Variants in STARD9 observed in about 807,000 individuals in gnomAD.
STARD9 encodes stAR-related lipid transfer protein 9.
A neutral mutation model predicts 399.8 loss-of-function variants in STARD9; 346 were observed. The observed-to-expected ratio is 0.87, with a 90% CI of 0.79 to 0.95. The LOEUF (loss-of-function observed/expected upper bound fraction) is 0.95, where lower values mean the gene tolerates loss of function less well. Among genes scored for constraint, STARD9 ranks in the 40% least tolerant of loss-of-function variants. The probability of loss-of-function intolerance (pLI) is 0.00; values close to 1 mark genes in which losing one functional copy is unlikely to be tolerated. For synonymous variants in STARD9, 2,203 were observed against 2,143.5 expected (o/e 1.03, Z -0.77); for missense variants, 5,832 against 5,667.5 (o/e 1.03, Z -0.93).
chr15:42,590,105 T>TA (rs2058365406), intron 3 of STARD9, among the ~76,000 whole-genome samples: 1 of 151,804 alleles, frequency 6.6e-6, no homozygotes, highest in Non-Finnish European at 1.5e-5. Flanking sequence ...GGACTACAGA[T>TA]ACGTGTGCCA....
intron 26 of STARD9, among the ~76,000 whole-genome samples, chr15:42,702,016 A>AAG (rs2060975487): frequency 6.7e-6 from 1 of 149,632 alleles, no homozygotes; most frequent in Non-Finnish European, 1.5e-5. Flanking sequence ...AAAAAAAAAA[A>AAG]GCTGAATGCA....
At chr15:42,580,375 C>T (rs1186070650) in intron 1 of STARD9, among the ~76,000 whole-genome samples, 2 of 152,224 alleles carry the variant, frequency 1.3e-5, no homozygotes, top group Admixed American at 6.5e-5. Context: ...TACAAAGGAA[C>T]ATGAATGGTG....
chr15:42,719,029 C>T, intron 32 of STARD9, 119 bp downstream of exon 32: 1 of 907,974 alleles, frequency 1.1e-6, no homozygotes, highest in South Asian at 1.7e-5. Context: ...GGCCTGAGAC[C>T]TGGAGACTTG....
intron 9 of STARD9, among the ~76,000 whole-genome samples, chr15:42,654,442 A>C (rs2059823182): frequency 1.3e-5 from 2 of 152,188 alleles, no homozygotes; most frequent in African/African-American, 4.8e-5. Flanking sequence ...GTAATGAGAC[A>C]AGAGAAAGAA....
intron 26 of STARD9, among the ~76,000 whole-genome samples, chr15:42,709,013 G>A (rs988074982): frequency 2.6e-5 from 4 of 152,226 alleles, no homozygotes; most frequent in East Asian, 3.9e-4. Context: ...ACCGGATACC[G>A]ACATGTCCTG....
Position 42,644,010 on chromosome 15 carries a change from A to G in STARD9, c.559+5198A>G, listed in dbSNP as rs150271497. On this transcript the variant is annotated intron_variant, in intron 7 of 32. Transcript: ENST00000290607. The stretch of plus-strand genomic sequence containing the variant: ...GAGTTCAGAGAACATGCTCCACATA[A>G]TTTCACCTAAAACAACATGTATACA... Among the ~76,000 whole-genome samples, 574 of 152,282 alleles carry G rather than the reference A, an allele frequency of 3.8e-3. 2 individuals carry two copies. Among genetic ancestry groups the G allele is most frequent in the African/African-American group, 0.013 (550 of 41,544 alleles).
Position 42,687,243 on chromosome 15 carries a change from G to GTCAC in STARD9, c.5667_5670dup (p.Ala1891HisfsTer14). 2 of 1,537,084 alleles carry GTCAC rather than the reference G, an allele frequency of 1.3e-6. No homozygotes were observed. The highest frequency in any genetic ancestry group is 1.7e-6 in the Non-Finnish European group (2 of 1,146,948). On this transcript the variant is annotated frameshift_variant, in exon 23 of 33. Coordinates refer to ENST00000290607, the MANE Select transcript of STARD9 (RefSeq NM_020759.3). LOFTEE classifies it high-confidence loss of function. Reference sequence around the variant, plus strand: ...TTTTCCAGCACTTGAGGGAGGAGAGGTCACTGCTCAGTCCTGTTGCGGTGC... The same window carrying GTCAC: ...TTTTCCAGCACTTGAGGGAGGAGAGGTCACTCACTGCTCAGTCCTGTTGCGGTGC...
chr15:42,665,705 C>A lies in STARD9; in HGVS notation c.1255-81C>A, dbSNP rs1404943228. 3.8e-5 allele frequency: 42 copies of A among 1,113,924 alleles called. No homozygotes were observed. The Middle Eastern group carries it at 5.9e-4, about 16-fold the overall frequency. 69.0% of individuals were successfully genotyped at this position (1,113,924 alleles called of 1,614,324 possible). On this transcript the variant is annotated intron_variant, in intron 14 of 32. Coordinates refer to ENST00000290607, the MANE Select transcript of STARD9 (RefSeq NM_020759.3). ...AGTTTTTCCTTTATCTGCATCTTAT[C>A]CTCCTCCACAAGTGTAAGGGTGGGA...
chr15:42,586,041 C>T (rs948758857), intron 3 of STARD9, among the ~76,000 whole-genome samples: 1 of 152,204 alleles, frequency 6.6e-6, no homozygotes. Context: ...AGAGGTATCA[C>T]TTCCAGAAAG....
At chr15:42,604,705 G>A (rs777083196) in intron 3 of STARD9, among the ~76,000 whole-genome samples, 1 of 130,344 alleles carries the variant, frequency 7.7e-6, no homozygotes, top group Non-Finnish European at 1.6e-5. Flanking sequence ...ATGCAGTGGT[G>A]TGATCTTAGT....
rs2059101908 is a variant in STARD9 at position 42,621,957 on chromosome 15, A to G, written c.235-12899A>G. ...TGCATATACATTTTCATATATATACACATACATTTATCTATTTCTTTTTCA... is the reference window on the plus strand; with the variant it reads ...TGCATATACATTTTCATATATATACGCATACATTTATCTATTTCTTTTTCA... On this transcript the variant is annotated intron_variant, in intron 3 of 32. Coordinates refer to ENST00000290607, the MANE Select transcript of STARD9 (RefSeq NM_020759.3). Among the ~76,000 whole-genome samples, 3 of 152,212 alleles carry G rather than the reference A, an allele frequency of 2.0e-5. No homozygotes were observed. In the South Asian group the frequency reaches 6.2e-4, roughly 32 times the overall value.
In STARD9 at chr15:42,689,198, G is replaced by GC; in HGVS notation, c.7623dup (p.Ser2542LeufsTer2). The GC allele has an allele frequency of 3.3e-6, 5 of 1,537,274 alleles. No individual in the cohort carries two copies. Among genetic ancestry groups the GC allele is most frequent in the Non-Finnish European group, 4.4e-6 (5 of 1,146,930 alleles). ...CCAGTCCAGAGCCTAGGCTGTTGGA[G>GC]CCCTCTGACCATGCATCCATGTGCC... On this transcript the variant is annotated frameshift_variant, in exon 23 of 33. Coordinates refer to ENST00000290607, the MANE Select transcript of STARD9 (RefSeq NM_020759.3). LOFTEE classifies it high-confidence loss of function.
At position 42,693,500 on chromosome 15, in the gene STARD9, ATCCT is replaced by A. The variant is rs1232228032; in HGVS notation, c.11928_11931del (p.Phe3976LeufsTer20). ...GTTCCTTACAAAGGAGTAATGGGAG[ATCCT>A]TCCTTGAGTTGCACTCCCCACACAG... On this transcript the variant is annotated frameshift_variant, in exon 23 of 33. Transcript: ENST00000290607. LOFTEE classifies it high-confidence loss of function. 5.9e-6 allele frequency: 9 copies of A among 1,537,204 alleles called. No homozygotes were observed. The highest frequency in any genetic ancestry group is 2.7e-5 in the African/African-American group (2 of 73,152).
intron 1 of STARD9, chr15:42,581,604 C>T: frequency 1.4e-6 from 1 of 692,732 alleles, no homozygotes; most frequent in South Asian, 1.8e-5. Flanking sequence ...TCGCTCGCTT[C>T]CTCTAGTTCC....
intron 15 of STARD9, among the ~76,000 whole-genome samples, 151 bp downstream of exon 15, chr15:42,665,999 G>T (rs1595733878): frequency 6.6e-6 from 1 of 152,220 alleles, no homozygotes; most frequent in African/African-American, 2.4e-5. Flanking sequence ...TTGACCGGGG[G>T]ATGTGTTTGC....
At chr15:42,577,459 T>C (rs1444188516) in intron 1 of STARD9, among the ~76,000 whole-genome samples, 2 of 152,238 alleles carry the variant, frequency 1.3e-5, no homozygotes, top group Non-Finnish European at 2.9e-5. Flanking sequence ...AGCCGGACAC[T>C]AGGAATTTAT....
intron 3 of STARD9, among the ~76,000 whole-genome samples, chr15:42,607,936 T>C (rs907387528): frequency 1.5e-4 from 23 of 152,298 alleles, no homozygotes; most frequent in African/African-American, 5.5e-4. Context: ...TGTCCAGGTT[T>C]GTGTCAGTAT....
chr15:42,669,114 T>C, intron 15 of STARD9, 44 bp from the exon 16 acceptor site: 1 of 1,471,402 alleles, frequency 6.8e-7, no homozygotes, highest in Non-Finnish European at 9.1e-7. Context: ...CTTTAGTCTG[T>C]TCCCCATGCT....
Position 42,717,733 on chromosome 15 carries a change from A to G in STARD9, c.13497A>G (p.Val4499=), listed in dbSNP as rs1414457490. 17 of 1,537,164 alleles carry G rather than the reference A, an allele frequency of 1.1e-5. No individual in the cohort carries two copies. The highest frequency in any genetic ancestry group is 1.5e-5 in the Non-Finnish European group (17 of 1,146,874). ...GGGTGTGGCCATTGTGTCCCCAGGT[A>G]ATGGCTGCTTGTTCGGATAATTTGC... The part of the protein sequence containing the change: ...KHVVDTSMAD[V]MAACSDNLHN... Residue 4499 remains valine (V), a splice_region_variant and synonymous_variant, in exon 29 of 33, where the codon GTA becomes GTG. Transcript: ENST00000290607.
Sources: allele counts gnomAD v4.1 joint callset (sites outside exome capture counted in the v4.1 genomes callset), GRCh38; gene constraint gnomAD v4.1.1; transcripts MANE v1.5; gene names NCBI Gene and HGNC (gene_info 2026-07-23, HGNC 2026-07-21).